Variants in GPC6 observed in about 807,000 individuals in gnomAD.
The protein encoded by GPC6 is glypican 6.
Under a neutral mutation model 55.2 loss-of-function variants are expected in GPC6, and 14 were observed. That is an observed-to-expected ratio of 0.25 (90% confidence interval 0.17 to 0.40). GPC6 has a LOEUF of 0.40. Among genes scored for constraint, GPC6 ranks in the 10% least tolerant of loss-of-function variants. The probability of loss-of-function intolerance (pLI) is 1.00; values close to 1 mark genes in which losing one functional copy is unlikely to be tolerated. For synonymous variants in GPC6, 278 were observed against 259.6 expected, an observed-to-expected ratio of 1.07 and a Z score of -0.68; for missense variants, 641 against 708.5, an observed-to-expected ratio of 0.90 and a Z score of 1.08.
At chr13:94,068,366 C>T (rs1480634379) in intron 4 of GPC6, among the ~76,000 whole-genome samples, 1 of 152,168 alleles carries the variant, frequency 6.6e-6, no homozygotes, top group Non-Finnish European at 1.5e-5. Flanking sequence ...CCTCCCATGA[C>T]ATGTGGAAAA....
rs146967404 is a variant in GPC6 at position 93,510,987 on chromosome 13, G to GTATATA, written c.161-34262_161-34257dup. Among the ~76,000 whole-genome samples the GTATATA allele has an allele frequency of 1.6e-3, 31 of 19,644 alleles. 8 individuals are homozygous for GTATATA. Among genetic ancestry groups the GTATATA allele is most frequent in the South Asian group, 4.0e-3 (2 of 496 alleles). 12.9% of individuals were successfully genotyped at this position (19,644 alleles called of 152,430 possible). A position where few individuals can be genotyped will look rare whatever the true frequency, so the allele number is the denominator to read the frequency against. ...TATATATATGTGTATATATATATGT[G>GTATATA]TATATATATATATATATATTCATGT... is the stretch of plus-strand genomic sequence containing the variant. On this transcript the variant is annotated intron_variant, in intron 1 of 8. Coordinates refer to ENST00000377047, the MANE Select transcript of GPC6 (RefSeq NM_005708.5).
At chr13:93,545,113 G>T in intron 1 of GPC6, 150 bp from the exon 2 acceptor site, 1 of 705,584 alleles carries the variant, frequency 1.4e-6, no homozygotes, top group Non-Finnish European at 2.6e-6. Context: ...ACACTGATGT[G>T]CTGTGGCCCA....
intron 2 of GPC6, among the ~76,000 whole-genome samples, chr13:93,820,578 A>G (rs1594486038): frequency 6.6e-6 from 1 of 151,652 alleles, no homozygotes; most frequent in East Asian, 1.9e-4. Context: ...GATAGTTTAA[A>G]TTTCTATTTT....
intron 6 of GPC6, among the ~76,000 whole-genome samples, chr13:94,373,472 A>G (rs1879684459): frequency 6.6e-6 from 1 of 152,244 alleles, no homozygotes. Flanking sequence ...CAGCAATGGA[A>G]GATGAAATGA....
intron 1 of GPC6, among the ~76,000 whole-genome samples, chr13:93,413,318 A>G (rs758148931): frequency 6.6e-6 from 1 of 152,166 alleles, no homozygotes; most frequent in Non-Finnish European, 1.5e-5. Flanking sequence ...AGGGTTTAAT[A>G]ATCAATATCG....
intron 6 of GPC6, among the ~76,000 whole-genome samples, chr13:94,316,526 G>T (rs1239488894): frequency 6.6e-6 from 1 of 151,898 alleles, no homozygotes; most frequent in Non-Finnish European, 1.5e-5. Flanking sequence ...GACCATCCCG[G>T]CTAAAACGGT....
intron 4 of GPC6, among the ~76,000 whole-genome samples, chr13:94,058,343 C>T (rs929197229): frequency 6.6e-6 from 1 of 152,160 alleles, no homozygotes; most frequent in African/African-American, 2.4e-5. Flanking sequence ...GTTCACTTAC[C>T]TTTCAATTGC....
intron 1 of GPC6, among the ~76,000 whole-genome samples, chr13:93,269,565 C>T (rs1409532496): frequency 1.3e-5 from 2 of 151,992 alleles, no homozygotes; most frequent in East Asian, 3.9e-4. Context: ...TTTCTCCCAC[C>T]TTCTTTTGCT....
At chr13:94,191,781 G>C (rs1889403256) in intron 4 of GPC6, among the ~76,000 whole-genome samples, 1 of 152,160 alleles carries the variant, frequency 6.6e-6, no homozygotes, top group Non-Finnish European at 1.5e-5. Context: ...CTGAGTTAGA[G>C]ATGTTCAATT....
chr13:93,519,227 C>G (rs1881316091), intron 1 of GPC6, among the ~76,000 whole-genome samples: 1 of 151,972 alleles, frequency 6.6e-6, no homozygotes, highest in Non-Finnish European at 1.5e-5. Context: ...GACCATCCTC[C>G]AATTTATAGA....
At chr13:94,083,397 C>A (rs9589899) in intron 4 of GPC6, among the ~76,000 whole-genome samples, 21,409 of 152,218 alleles carry the variant, frequency 0.14, 1,758 homozygotes, top group East Asian at 0.33. Flanking sequence ...GGATTACAGG[C>A]ATGAGCCACT....
chr13:93,776,918 A>G (rs557149214), intron 2 of GPC6, among the ~76,000 whole-genome samples: 20 of 152,314 alleles, frequency 1.3e-4, no homozygotes, highest in East Asian at 5.8e-4. Context: ...ATGACAAACT[A>G]TACGGAACAG....
intron 2 of GPC6, among the ~76,000 whole-genome samples, chr13:93,580,806 A>G (rs1876900327): frequency 6.6e-6 from 1 of 152,206 alleles, no homozygotes; most frequent in East Asian, 1.9e-4. Flanking sequence ...GTCAAGTCAG[A>G]GGAGTTCTAA....
intron 2 of GPC6, among the ~76,000 whole-genome samples, chr13:93,802,036 G>T (rs1886388785): frequency 6.6e-6 from 1 of 152,176 alleles, no homozygotes; most frequent in African/African-American, 2.4e-5. Context: ...TTCCCCCTTT[G>T]AGTAGGTATT....
At chr13:93,962,861 T>C (rs1334289282) in intron 3 of GPC6, among the ~76,000 whole-genome samples, 1 of 152,158 alleles carries the variant, frequency 6.6e-6, no homozygotes, top group Non-Finnish European at 1.5e-5. Flanking sequence ...TTTGTTGGAT[T>C]GAGTGGAATA....
chr13:93,474,608 A>T (rs928160796), intron 1 of GPC6, among the ~76,000 whole-genome samples: 14 of 152,242 alleles, frequency 9.2e-5, no homozygotes, highest in African/African-American at 3.4e-4. Context: ...TCAGCCCAGG[A>T]TATACTGGAG....
intron 1 of GPC6, among the ~76,000 whole-genome samples, chr13:93,354,911 T>A (rs1880790705): frequency 6.6e-6 from 1 of 152,114 alleles, no homozygotes; most frequent in Non-Finnish European, 1.5e-5. Flanking sequence ...AGCTTAACCT[T>A]CCTGTGTTTT....
chr13:94,332,781 T>C (rs761805052), intron 6 of GPC6, among the ~76,000 whole-genome samples: 3 of 152,264 alleles, frequency 2.0e-5, no homozygotes, highest in Non-Finnish European at 4.4e-5. Context: ...TTTCACTGAA[T>C]TGACCAGTAA....
intron 1 of GPC6, among the ~76,000 whole-genome samples, chr13:93,539,881 GA>G (rs1246100042): frequency 1.3e-5 from 2 of 152,052 alleles, no homozygotes; most frequent in Non-Finnish European, 2.9e-5. Context: ...AGTGGAGACA[GA>G]GTTTCTCCAT....
Sources: gnomAD v4.1 joint callset for allele counts (sites outside exome capture counted in the v4.1 genomes callset) on GRCh38, gnomAD v4.1.1 for gene constraint, MANE v1.5 for transcripts, NCBI Gene and HGNC (gene_info 2026-07-23, HGNC 2026-07-21) for gene names.